PTPRD: variants seen among roughly 807,000 people sequenced by gnomAD.
PTPRD encodes the protein protein tyrosine phosphatase receptor type D, also known as receptor-type tyrosine-protein phosphatase delta.
Under a neutral mutation model 214.5 loss-of-function variants are expected in PTPRD, and 34 were observed. The ratio of observed to expected loss-of-function variants is 0.16; its 90% CI spans 0.12 to 0.21. The LOEUF is 0.21. Among genes scored for constraint, PTPRD ranks in the 10% least tolerant of loss-of-function variants. The pLI is 1.00. For missense variants in PTPRD, 2,545 were observed against 2,398.7 expected, an observed-to-expected ratio of 1.06 and a Z score of -1.27; for synonymous variants, 1,128 against 845.7, an observed-to-expected ratio of 1.33 and a Z score of -5.79.
chr9:9,441,504 A>T (rs994812884), intron 8 of PTPRD, among the ~76,000 whole-genome samples: 2 of 152,176 alleles, frequency 1.3e-5, no homozygotes, highest in African/African-American at 4.8e-5. Flanking sequence ...TTCAAAAGGC[A>T]AAAGGTGATG....
intron 11 of PTPRD, among the ~76,000 whole-genome samples, chr9:8,934,103 G>T (rs2098972448): frequency 6.6e-6 from 1 of 151,818 alleles, no homozygotes; most frequent in African/African-American, 2.4e-5. Context: ...ACCTCCAGAT[G>T]TGCAAATGGC....
chr9:8,410,563 A>AC (rs1197854458), intron 35 of PTPRD, among the ~76,000 whole-genome samples: 7 of 152,166 alleles, frequency 4.6e-5, no homozygotes, highest in African/African-American at 1.7e-4. Context: ...TGAAATAAAG[A>AC]TTTTTCAAGA....
At chr9:8,360,395 T>C (rs1469771619) in intron 39 of PTPRD, among the ~76,000 whole-genome samples, 1 of 152,232 alleles carries the variant, frequency 6.6e-6, no homozygotes, top group Non-Finnish European at 1.5e-5. Flanking sequence ...TTTTAAAAAC[T>C]GGTGAATCTA....
rs911413315 is a variant in PTPRD at position 8,334,772 on chromosome 9, AATAG to A, written c.5380-3040_5380-3037del. ...GCTGGCTTTTGGAAAAGATCAACAA[AATAG>A]ATAGAAAAGACAGAAGACTCAAACA... is the stretch of plus-strand genomic sequence containing the variant. On this transcript the variant is annotated intron_variant, in intron 43 of 45. Transcript: ENST00000381196. 6.8e-5 allele frequency among the ~76,000 whole-genome samples: 8 copies of A among 117,280 alleles called. No individual in the cohort carries two copies. The East Asian group carries it at 1.1e-3, about 16-fold the overall frequency. 76.9% of individuals were successfully genotyped at this position (117,280 alleles called of 152,430 possible).
chr9:9,750,082 A>G (rs1233249860), intron 6 of PTPRD, among the ~76,000 whole-genome samples: 1 of 152,162 alleles, frequency 6.6e-6, no homozygotes, highest in Non-Finnish European at 1.5e-5. Flanking sequence ...AATGTAAAGC[A>G]GTTTTACTTA....
intron 3 of PTPRD, among the ~76,000 whole-genome samples, chr9:10,235,727 T>C (rs749757824): frequency 2.1e-4 from 32 of 152,000 alleles, no homozygotes; most frequent in Non-Finnish European, 3.8e-4. Context: ...ACTTTATAGA[T>C]TATGTAAGAA....
intron 25 of PTPRD, among the ~76,000 whole-genome samples, chr9:8,497,981 G>C (rs2097312877): frequency 6.6e-6 from 1 of 152,120 alleles, no homozygotes. Flanking sequence ...AGCAATGATG[G>C]CTTTAATTTT....
At chr9:10,473,626 C>G (rs1007332693) in intron 2 of PTPRD, among the ~76,000 whole-genome samples, 6 of 152,010 alleles carry the variant, frequency 3.9e-5, no homozygotes, top group African/African-American at 1.4e-4. Context: ...TGAGTAGGTA[C>G]ATCATTTCTG....
intron 30 of PTPRD, among the ~76,000 whole-genome samples, chr9:8,481,712 G>T (rs1225844159): frequency 6.6e-6 from 1 of 152,080 alleles, no homozygotes; most frequent in Non-Finnish European, 1.5e-5. Context: ...TTGCTTCAAT[G>T]ATTCTGTCTT....
chr9:9,613,156 A>ATG (rs1426774148), intron 7 of PTPRD, among the ~76,000 whole-genome samples: 1 of 86,398 alleles, frequency 1.2e-5, no homozygotes, highest in Admixed American at 1.1e-4. Flanking sequence ...ATATATATAT[A>ATG]TATATATATA....
chr9:10,472,572 G>A (rs2099037955), intron 2 of PTPRD, among the ~76,000 whole-genome samples: 1 of 152,060 alleles, frequency 6.6e-6, no homozygotes, highest in Non-Finnish European at 1.5e-5. Context: ...TCACAAGGCT[G>A]AGCAGGAGCT....
At chr9:9,092,297 T>C (rs1218432423) in intron 10 of PTPRD, among the ~76,000 whole-genome samples, 1 of 152,180 alleles carries the variant, frequency 6.6e-6, no homozygotes, top group Non-Finnish European at 1.5e-5. Context: ...CATTCATGAC[T>C]GTATCCTGGT....
At chr9:8,990,041 T>C (rs1274314955) in intron 11 of PTPRD, among the ~76,000 whole-genome samples, 1 of 152,180 alleles carries the variant, frequency 6.6e-6, no homozygotes, top group African/African-American at 2.4e-5. Flanking sequence ...GAATTTGGGA[T>C]AACATGGATA....
intron 11 of PTPRD, among the ~76,000 whole-genome samples, chr9:8,966,176 T>G (rs943986390): frequency 5.3e-5 from 8 of 151,894 alleles, no homozygotes; most frequent in African/African-American, 1.9e-4. Flanking sequence ...TCAATATTAC[T>G]AAAAGCAATC....
intron 44 of PTPRD, among the ~76,000 whole-genome samples, chr9:8,326,088 C>T (rs1833427296): frequency 6.6e-6 from 1 of 152,154 alleles, no homozygotes; most frequent in South Asian, 2.1e-4. Context: ...CTGCCTTGGC[C>T]AGAACTTCCA....
chr9:9,258,076 T>A (rs950505951), intron 9 of PTPRD, among the ~76,000 whole-genome samples: 2 of 140,522 alleles, frequency 1.4e-5, no homozygotes, highest in African/African-American at 5.4e-5. Context: ...AAAAAGCTAA[T>A]AAATGAATGG....
At chr9:8,533,768 C>T (rs1053229731) in intron 14 of PTPRD, among the ~76,000 whole-genome samples, 2 of 151,948 alleles carry the variant, frequency 1.3e-5, no homozygotes, top group Non-Finnish European at 2.9e-5. Flanking sequence ...CGTAACCTTC[C>T]CAATGTTCAA....
chr9:10,225,489 G>C (rs181683562), intron 3 of PTPRD, among the ~76,000 whole-genome samples: 1 of 152,000 alleles, frequency 6.6e-6, no homozygotes, highest in Non-Finnish European at 1.5e-5. Context: ...GGTGATATGA[G>C]GATGAAAAGT....
intron 3 of PTPRD, among the ~76,000 whole-genome samples, chr9:10,240,740 A>T (rs181445098): frequency 5.5e-4 from 83 of 152,016 alleles, no homozygotes; most frequent in African/African-American, 1.9e-3. Context: ...TAACAGCTAA[A>T]ATGATAAATC....
Sources: gnomAD v4.1 joint callset for allele counts (sites outside exome capture counted in the v4.1 genomes callset) on GRCh38, gnomAD v4.1.1 for gene constraint, MANE v1.5 for transcripts, NCBI Gene and HGNC (gene_info 2026-07-23, HGNC 2026-07-21) for gene names.